The following PLPP3 variants were observed in gnomAD, a reference collection of about 807,000 sequenced individuals.
PLPP3 encodes the protein PAP2 beta.
A neutral mutation model predicts 29.6 loss-of-function variants in PLPP3; 6 were observed. That is an observed-to-expected ratio of 0.20 (90% CI 0.11 to 0.40). The LOEUF is 0.40. PLPP3 is among the 10% of genes least tolerant of loss of function. PLPP3 has a pLI of 1.00. For missense variants in PLPP3, 308 were observed against 407.7 expected (o/e 0.76, Z 2.11); for synonymous variants, 152 against 159.7 (o/e 0.95, Z 0.36).
At chr1:56,532,824 C>T (rs1402408931) in intron 2 of PLPP3, among the ~76,000 whole-genome samples, 1 of 152,064 alleles carries the variant, frequency 6.6e-6, no homozygotes, top group Non-Finnish European at 1.5e-5. Flanking sequence ...CTGTCTCTCC[C>T]CTGTGCAGCT....
At chr1:56,539,272 T>G (rs1645952052) in intron 1 of PLPP3, among the ~76,000 whole-genome samples, 1 of 152,210 alleles carries the variant, frequency 6.6e-6, no homozygotes, top group Admixed American at 6.5e-5. Context: ...CAAAAAGAAT[T>G]AAATTCACAT....
At chr1:56,553,503 C>T (rs1268452881) in intron 1 of PLPP3, among the ~76,000 whole-genome samples, 1 of 152,180 alleles carries the variant, frequency 6.6e-6, no homozygotes, top group African/African-American at 2.4e-5. Flanking sequence ...CTCTTACAGC[C>T]ATGACACCAC....
Position 56,550,757 on chromosome 1 carries a change from C to T in PLPP3, c.140-13645G>A, listed in dbSNP as rs149596407. On this transcript the variant is annotated intron_variant, in intron 1 of 5. Coordinates refer to ENST00000371250, the MANE Select transcript of PLPP3 (RefSeq NM_003713.5). ...CCCACACATACACTTTTTTAAAGGGCGAAATGCCAAATAACATTATTCCCC... is the reference window on the plus strand; with the variant it reads ...CCCACACATACACTTTTTTAAAGGGTGAAATGCCAAATAACATTATTCCCC... Among the ~76,000 whole-genome samples the T allele has an allele frequency of 3.5e-3, 531 of 151,778 alleles. 3 individuals are homozygous for T. Among genetic ancestry groups the T allele is most frequent in the African/African-American group, 0.012 (507 of 41,372 alleles).
intron 5 of PLPP3, among the ~76,000 whole-genome samples, chr1:56,498,139 T>A (rs1557495204): frequency 6.6e-6 from 1 of 152,066 alleles, no homozygotes. Context: ...ACAGTTTGAG[T>A]GCTATTGATG....
At chr1:56,563,660 G>C (rs1646144611) in intron 1 of PLPP3, among the ~76,000 whole-genome samples, 1 of 152,168 alleles carries the variant, frequency 6.6e-6, no homozygotes, top group Admixed American at 6.5e-5. Context: ...GTTAGTAAAT[G>C]ACCTCTGCTA....
At chr1:56,555,714 G>A (rs907015798) in intron 1 of PLPP3, among the ~76,000 whole-genome samples, 1 of 152,088 alleles carries the variant, frequency 6.6e-6, no homozygotes, top group Non-Finnish European at 1.5e-5. Context: ...TTGCTATGTT[G>A]CCAAGGCTGA....
intron 4 of PLPP3, 80 bp downstream of exon 4, chr1:56,523,743 A>C: frequency 1.4e-6 from 2 of 1,460,844 alleles, no homozygotes; most frequent in Non-Finnish European, 1.9e-6. Flanking sequence ...GCATGCCCCT[A>C]AACTATTTTG....
intron 1 of PLPP3, among the ~76,000 whole-genome samples, chr1:56,545,276 T>C (rs1645997235): frequency 6.6e-6 from 1 of 152,218 alleles, no homozygotes; most frequent in African/African-American, 2.4e-5. Flanking sequence ...CACTGTACAA[T>C]AAGAGTTGGC....
chr1:56,496,753 G>A, intron 5 of PLPP3, 77 bp from the exon 6 acceptor site: 2 of 1,539,744 alleles, frequency 1.3e-6, no homozygotes, highest in Non-Finnish European at 1.8e-6. Context: ...GAAGGTCAGA[G>A]GAGCGCAGAC....
Position 56,537,356 on chromosome 1 carries a change from G to A in PLPP3, c.140-244C>T, listed in dbSNP as rs77470038. On this transcript the variant is annotated intron_variant, in intron 1 of 5. Coordinates refer to ENST00000371250, the MANE Select transcript of PLPP3 (RefSeq NM_003713.5). ...ATCCTCTTCTCTTCCCCAAGAGCTCGGAGGTAGGCAGTGAAAGAGCCAGAG... is the reference window on the plus strand; with the variant it reads ...ATCCTCTTCTCTTCCCCAAGAGCTCAGAGGTAGGCAGTGAAAGAGCCAGAG... 8.0e-3 allele frequency among the ~76,000 whole-genome samples: 1,215 copies of A among 152,164 alleles called. 23 individuals carry two copies. Among genetic ancestry groups the A allele is most frequent in the African/African-American group, 0.027 (1,136 of 41,514 alleles).
chr1:56,558,995 C>T (rs1424108484), intron 1 of PLPP3, among the ~76,000 whole-genome samples: 2 of 152,114 alleles, frequency 1.3e-5, no homozygotes, highest in Non-Finnish European at 2.9e-5. Flanking sequence ...ATTCAACTGC[C>T]TCATTATTTA....
intron 2 of PLPP3, among the ~76,000 whole-genome samples, chr1:56,526,202 T>C (rs772250252): frequency 6.6e-6 from 1 of 152,158 alleles, no homozygotes; most frequent in Non-Finnish European, 1.5e-5. Flanking sequence ...GACTATCAGT[T>C]GAAGGAACAA....
At chr1:56,555,622 C>T (rs1646071774) in intron 1 of PLPP3, among the ~76,000 whole-genome samples, 1 of 151,874 alleles carries the variant, frequency 6.6e-6, no homozygotes, top group African/African-American at 2.4e-5. Context: ...CACTGTGTCC[C>T]TGAATGGAAC....
intron 2 of PLPP3, among the ~76,000 whole-genome samples, chr1:56,533,256 T>C (rs1315771723): frequency 2.6e-5 from 4 of 152,132 alleles, no homozygotes; most frequent in Non-Finnish European, 4.4e-5. Flanking sequence ...GTTTTCACCA[T>C]GTTGACCAGG....
At chr1:56,572,031 C>T (rs1307613766) in intron 1 of PLPP3, among the ~76,000 whole-genome samples, 1 of 142,992 alleles carries the variant, frequency 7.0e-6, no homozygotes, top group Non-Finnish European at 1.5e-5. Flanking sequence ...CGATCATTTC[C>T]AATCATTTCT....
intron 4 of PLPP3, among the ~76,000 whole-genome samples, chr1:56,523,354 C>T (rs1645831774): frequency 6.6e-6 from 1 of 152,166 alleles, no homozygotes; most frequent in African/African-American, 2.4e-5. Context: ...TGGCAGTTCA[C>T]TTTAATTTTC....
chr1:56,521,385 T>C (rs1179128990), intron 4 of PLPP3, among the ~76,000 whole-genome samples: 1 of 152,118 alleles, frequency 6.6e-6, no homozygotes, highest in African/African-American at 2.4e-5. Context: ...TCTTCACAGG[T>C]TGTTTTAGGG....
At position 56,561,751 on chromosome 1, in the gene PLPP3, T is replaced by C. The variant is rs191196009; in HGVS notation, c.139+17127A>G. 1.4e-3 allele frequency among the ~76,000 whole-genome samples: 216 copies of C among 152,236 alleles called. 2 individuals carry two copies. The highest frequency in any genetic ancestry group is 5.2e-3 in the South Asian group (25 of 4,824). On this transcript the variant is annotated intron_variant, in intron 1 of 5. Transcript: ENST00000371250. ...TATCAAGAGGTAAGTAGCTTCTTTTTTGGCTGAGCACGGTGGCTCACGCCT... is the reference window on the plus strand; with the variant it reads ...TATCAAGAGGTAAGTAGCTTCTTTTCTGGCTGAGCACGGTGGCTCACGCCT...
chr1:56,574,595 T>G lies in PLPP3; in HGVS notation c.139+4283A>C, dbSNP rs1402521684. On this transcript the variant is annotated intron_variant, in intron 1 of 5. Transcript: ENST00000371250. Reference sequence around the variant, plus strand: ...TTTTAATCTACGAAGGATGGTTGGCTAGGCAATTTACCGGTTGATTAATGA... The same window carrying G: ...TTTTAATCTACGAAGGATGGTTGGCGAGGCAATTTACCGGTTGATTAATGA... Among the ~76,000 whole-genome samples, 4 of 152,282 alleles carry G rather than the reference T, an allele frequency of 2.6e-5. No individual in the cohort carries two copies. The East Asian group carries it at 5.8e-4, about 22-fold the overall frequency.
Sources: allele counts gnomAD v4.1 joint callset (sites outside exome capture counted in the v4.1 genomes callset), GRCh38; gene constraint gnomAD v4.1.1; transcripts MANE v1.5; gene names NCBI Gene and HGNC (gene_info 2026-07-23, HGNC 2026-07-21).